SNX25: variants seen among roughly 807,000 people sequenced by gnomAD.
The protein encoded by SNX25 is sorting nexin-25.
SNX25 carries 62 observed loss-of-function variants against 113.7 expected under a neutral mutation model. That is an observed-to-expected ratio of 0.55 (90% CI 0.44 to 0.67). The LOEUF (loss-of-function observed/expected upper bound fraction) is 0.67. SNX25 is among the 30% of genes least tolerant of loss of function. The pLI is 0.00. For synonymous variants in SNX25, 421 were observed against 436.2 expected, an observed-to-expected ratio of 0.97 and a Z score of 0.43; for missense variants, 1,014 against 1,161.0, an observed-to-expected ratio of 0.87 and a Z score of 1.84.
At chr4:185,305,308 A>T (rs183907993) in intron 6 of SNX25, among the ~76,000 whole-genome samples, 5 of 152,262 alleles carry the variant, frequency 3.3e-5, no homozygotes, top group Admixed American at 2.0e-4. Flanking sequence ...TGTATTATCC[A>T]TTAAATCCCT....
intron 1 of SNX25, among the ~76,000 whole-genome samples, chr4:185,245,022 T>C (rs1744637621): frequency 6.6e-6 from 1 of 152,080 alleles, no homozygotes; most frequent in Non-Finnish European, 1.5e-5. Context: ...GGCCTCTGCT[T>C]GAGAACGAAG....
chr4:185,218,020 A>T (rs1020021652), intron 1 of SNX25, among the ~76,000 whole-genome samples: 1 of 152,038 alleles, frequency 6.6e-6, no homozygotes, highest in African/African-American at 2.4e-5. Context: ...TCGCAGGGGC[A>T]CTCCTGGATA....
At chr4:185,368,795 G>GTTTTTTT (rs34691416), downstream of SNX25, among the ~76,000 whole-genome samples, 1 of 133,086 alleles carries the variant, frequency 7.5e-6, no homozygotes. Flanking sequence ...AATCTGTTTT[G>GTTTTTTT]TTTTTTTTTT....
chr4:185,371,494 A>G (rs375295622), downstream of SNX25, among the ~76,000 whole-genome samples: 15 of 148,192 alleles, frequency 1.0e-4, no homozygotes, highest in South Asian at 3.3e-3. Context: ...GTGAGCCGAG[A>G]TCGCACCACT....
intron 7 of SNX25, among the ~76,000 whole-genome samples, chr4:185,316,981 A>G (rs2095079454): frequency 6.6e-6 from 1 of 152,214 alleles, no homozygotes; most frequent in African/African-American, 2.4e-5. Flanking sequence ...GGTCTGTAGC[A>G]AGGGATATCC....
intron 1 of SNX25, among the ~76,000 whole-genome samples, chr4:185,240,182 G>C (rs1400683272): frequency 6.6e-6 from 1 of 151,780 alleles, no homozygotes; most frequent in Non-Finnish European, 1.5e-5. Context: ...ACACAGACAT[G>C]GCAACCATCC....
chr4:185,346,600 G>C lies in SNX25; in HGVS notation c.2251G>C (p.Asp751His), dbSNP rs768716122. ...SLSKLPFKSI[D>H]QKFMEKSKNQ... ...TAGCAAGCTGCCTTTCAAATCTATA[G>C]ATCAAAAGTTTATGGAAAAGTCGAA... The change falls in exon 13 of 19, where the codon GAT becomes CAT. Residue 751 changes from aspartate to histidine, a missense_variant. Physicochemically the swap from Asp to His is moderately conservative, Grantham distance 81. Transcript: ENST00000652585. 61 of 1,590,370 alleles carry C rather than the reference G, an allele frequency of 3.8e-5. No homozygotes were observed. Among genetic ancestry groups the C allele is most frequent in the African/African-American group, 6.8e-5 (5 of 73,144 alleles).
At chr4:185,270,377 T>C (rs1197248321) in intron 5 of SNX25, among the ~76,000 whole-genome samples, 2 of 152,226 alleles carry the variant, frequency 1.3e-5, no homozygotes, top group African/African-American at 4.8e-5. Flanking sequence ...CCTTAATCTT[T>C]CTCAAAGATC....
At chr4:185,214,836 A>G (rs1317052280) in intron 1 of SNX25, among the ~76,000 whole-genome samples, 2 of 152,194 alleles carry the variant, frequency 1.3e-5, no homozygotes, top group African/African-American at 2.4e-5. Context: ...ATGGATTTTT[A>G]TAAGAACAAT....
intron 1 of SNX25, among the ~76,000 whole-genome samples, chr4:185,228,479 G>A (rs1741343505): frequency 6.6e-6 from 1 of 151,892 alleles, no homozygotes; most frequent in South Asian, 2.1e-4. Context: ...GTAAGCGGGA[G>A]ACGAAATTAA....
intron 10 of SNX25, 47 bp downstream of exon 10, chr4:185,332,806 AATTTGGTAGTTTTCAGTTGAGGTTG>A (rs1268633825): frequency 6.3e-7 from 1 of 1,580,186 alleles, no homozygotes; most frequent in African/African-American, 1.4e-5. Flanking sequence ...ACATTTGTCT[AATTTGGTAGTTTTCAGTTGAGGTTG>A]AGAAGTGTCA....
downstream of SNX25, among the ~76,000 whole-genome samples, chr4:185,368,772 G>A (rs73873432): frequency 3.3e-5 from 5 of 150,702 alleles, no homozygotes; most frequent in African/African-American, 1.2e-4. Flanking sequence ...ATGGAAAATC[G>A]TTCTCAGATT....
At chr4:185,281,193 T>C (rs542093588) in intron 5 of SNX25, among the ~76,000 whole-genome samples, 1 of 152,042 alleles carries the variant, frequency 6.6e-6, no homozygotes, top group Non-Finnish European at 1.5e-5. Flanking sequence ...TGCTCTGTAA[T>C]CAGGAAAAAA....
chr4:185,243,421 G>C (rs1744363142), intron 1 of SNX25, among the ~76,000 whole-genome samples: 1 of 152,058 alleles, frequency 6.6e-6, no homozygotes, highest in Non-Finnish European at 1.5e-5. Context: ...ACCAACCTGG[G>C]CAACATGGGG....
upstream of SNX25, among the ~76,000 whole-genome samples, chr4:185,206,464 G>A (rs1737189614): frequency 6.9e-6 from 1 of 144,134 alleles, no homozygotes; most frequent in Admixed American, 7.0e-5. Flanking sequence ...AGGTCGGGGG[G>A]TTGAGACCAG....
chr4:185,299,091 G>A (rs1753268020), intron 6 of SNX25, among the ~76,000 whole-genome samples: 1 of 152,238 alleles, frequency 6.6e-6, no homozygotes, highest in East Asian at 1.9e-4. Context: ...GTGTGGGGTG[G>A]TCAGCCCTAC....
chr4:185,231,530 C>T (rs1190673692), intron 1 of SNX25, among the ~76,000 whole-genome samples: 1 of 151,600 alleles, frequency 6.6e-6, no homozygotes, highest in Non-Finnish European at 1.5e-5. Flanking sequence ...GCCAACACTG[C>T]GAAACCCCGT....
At chr4:185,353,120 G>T (rs903925608) in intron 14 of SNX25, 4 of 163,168 alleles carry the variant, frequency 2.5e-5, no homozygotes, top group Non-Finnish European at 4.0e-5. Context: ...AAAAAAAGCA[G>T]TGAATTTAAA....
In SNX25 at chr4:185,288,085, A is replaced by G; in HGVS notation, c.1162+3A>G. 6.2e-7 allele frequency: 1 copy of G among 1,612,516 alleles called. No individual in the cohort carries two copies. The highest frequency in any genetic ancestry group is 1.1e-5 in the South Asian group (1 of 90,692). The stretch of plus-strand genomic sequence containing the variant: ...TCCCCAACTGAAGAGGCACAAAGGT[A>G]AGAGCCAGGTTGTTTTCTTCAGTTC... On this transcript the variant is annotated splice_donor_region_variant and intron_variant, in intron 6 of 18. Transcript: ENST00000652585.
Sources: allele counts gnomAD v4.1 joint callset (sites outside exome capture counted in the v4.1 genomes callset), GRCh38; gene constraint gnomAD v4.1.1; transcripts MANE v1.5; gene names NCBI Gene and HGNC (gene_info 2026-07-23, HGNC 2026-07-21).